The following SIK3 variants were observed in gnomAD, a reference collection of about 807,000 sequenced individuals.
The protein encoded by SIK3 is serine/threonine-protein kinase SIK3.
Under a neutral mutation model 144.2 loss-of-function variants are expected in SIK3, and 28 were observed. The observed-to-expected ratio is 0.19, with a 90% CI of 0.14 to 0.27. SIK3 has a LOEUF of 0.27. Ranked by LOEUF, SIK3 falls within the 10% of genes least tolerant of loss-of-function variation. SIK3 has a pLI of 1.00. For synonymous variants in SIK3, 686 were observed against 676.3 expected (o/e 1.01, Z -0.22); for missense variants, 1,319 against 1,776.0 (o/e 0.74, Z 4.62).
intron 6 of SIK3, among the ~76,000 whole-genome samples, chr11:116,879,278 AACAGTAAGACATTATT>A (rs1944429152): frequency 6.6e-6 from 1 of 152,242 alleles, no homozygotes; most frequent in South Asian, 2.1e-4. Context: ...AAATAACAAC[AACAGTAAGACATTATT>A]ACAAAAAACT....
intron 1 of SIK3, among the ~76,000 whole-genome samples, chr11:117,003,749 G>A (rs1374417110): frequency 6.6e-6 from 1 of 152,038 alleles, no homozygotes; most frequent in Non-Finnish European, 1.5e-5. Flanking sequence ...ACTTGCTTTA[G>A]GTAGGGTCAA....
intron 4 of SIK3, among the ~76,000 whole-genome samples, chr11:116,899,276 A>T (rs1945611513): frequency 3.3e-5 from 5 of 151,672 alleles, no homozygotes. Context: ...AAGATCAGAT[A>T]GTTGTAGATA....
intron 3 of SIK3, among the ~76,000 whole-genome samples, chr11:116,953,827 A>G (rs914557854): frequency 6.6e-6 from 1 of 152,224 alleles, no homozygotes; most frequent in Non-Finnish European, 1.5e-5. Context: ...CGCCTGACTG[A>G]AATAAACAAA....
intron 15 of SIK3, among the ~76,000 whole-genome samples, chr11:116,866,576 G>C (rs964413101): frequency 2.0e-5 from 3 of 151,970 alleles, no homozygotes; most frequent in African/African-American, 7.3e-5. Flanking sequence ...CGAGTAGCTG[G>C]GACTACAGAC....
intron 1 of SIK3, among the ~76,000 whole-genome samples, chr11:117,033,969 T>C (rs959936620): frequency 6.6e-6 from 1 of 152,140 alleles, no homozygotes; most frequent in Non-Finnish European, 1.5e-5. Flanking sequence ...TCACCTTTTA[T>C]GACAAGAAAA....
At chr11:116,891,880 A>C (rs1330082232) in intron 6 of SIK3, among the ~76,000 whole-genome samples, 1 of 152,138 alleles carries the variant, frequency 6.6e-6, no homozygotes, top group East Asian at 1.9e-4. Context: ...ACATGAATGG[A>C]GGGTTGAATT....
chr11:116,982,306 T>TC (rs59778690), intron 1 of SIK3, among the ~76,000 whole-genome samples: 3,648 of 151,590 alleles, frequency 0.024, 83 homozygotes, highest in South Asian at 0.11. Flanking sequence ...TTTTTTTTTT[T>TC]CAGACGGAGT....
chr11:117,011,223 T>C (rs1246628432), intron 1 of SIK3, among the ~76,000 whole-genome samples: 1 of 152,200 alleles, frequency 6.6e-6, no homozygotes, highest in East Asian at 1.9e-4. Flanking sequence ...TCCTTTTTTT[T>C]TCCCCCTGTA....
At chr11:117,018,221 G>C (rs147414296) in intron 1 of SIK3, among the ~76,000 whole-genome samples, 102 of 152,262 alleles carry the variant, frequency 6.7e-4, no homozygotes, top group African/African-American at 2.4e-3. Context: ...AAGTCCTGCA[G>C]TCCCCCGAGG....
chr11:116,907,994 A>C (rs1417741316), intron 4 of SIK3, among the ~76,000 whole-genome samples: 1 of 151,990 alleles, frequency 6.6e-6, no homozygotes, highest in African/African-American at 2.4e-5. Context: ...ATTTAAAAAA[A>C]AAAAAAAAAA....
intron 1 of SIK3, among the ~76,000 whole-genome samples, chr11:117,057,188 A>G (rs567627671): frequency 6.6e-6 from 1 of 152,352 alleles, no homozygotes; most frequent in East Asian, 1.9e-4. Context: ...CAAAATGTGT[A>G]CATGTACAGA....
chr11:116,858,555 G>C lies in SIK3; in HGVS notation c.2910C>G (p.Val970=), dbSNP rs749740584. 1 of 1,613,838 alleles carries C rather than the reference G, an allele frequency of 6.2e-7. No homozygotes were observed. Among genetic ancestry groups the C allele is most frequent in the Middle Eastern group, 1.7e-4 (1 of 6,060 alleles). The change falls in exon 21 of 25, where the codon GTC becomes GTG. Residue 970 remains valine (V), a synonymous_variant. Coordinates refer to ENST00000445177, the MANE Select transcript of SIK3 (RefSeq NM_001366686.3). The surrounding 1 kb of genome is among the most constrained non-coding windows in gnomAD (Gnocchi z 5.4). ...AGGTGGGGAATTGGTCAAGTGGAGG[G>C]ACTTTCAGGGCTTGGGTTGGAGAGA... ...VGFSPTQALK[V]PPLDQFPTFP...
At chr11:117,062,727 G>A (rs1953850661) in intron 1 of SIK3, among the ~76,000 whole-genome samples, 1 of 152,138 alleles carries the variant, frequency 6.6e-6, no homozygotes, top group African/African-American at 2.4e-5. Context: ...CACTAAGTGT[G>A]GAAAAAGTGC....
intron 1 of SIK3, among the ~76,000 whole-genome samples, chr11:116,968,497 C>T (rs992407209): frequency 3.3e-5 from 5 of 152,022 alleles, no homozygotes; most frequent in Non-Finnish European, 7.4e-5. Flanking sequence ...AACAACATTG[C>T]CATAGAAAAA....
In SIK3 at chr11:116,898,220, C is replaced by T. The variant is rs985936441; in HGVS notation, c.617-903G>A. Among the ~76,000 whole-genome samples the T allele has an allele frequency of 3.0e-3, 461 of 151,436 alleles. 2 individuals carry two copies. The highest frequency in any genetic ancestry group is 9.8e-3 in the African/African-American group (405 of 41,178). ...ATTCCCACCTATGAGTGAGAACATG[C>T]GATGTTTGGTTTTTTGTTCTTGCGA... On this transcript the variant is annotated intron_variant, in intron 4 of 24. Coordinates refer to ENST00000445177, the MANE Select transcript of SIK3 (RefSeq NM_001366686.3).
chr11:116,867,970 G>C lies in SIK3; in HGVS notation c.1928C>G (p.Pro643Arg). 6.5e-7 allele frequency: 1 copy of C among 1,548,528 alleles called. No individual in the cohort carries two copies. Among genetic ancestry groups the C allele is most frequent in the Non-Finnish European group, 8.7e-7 (1 of 1,145,750 alleles). Reference protein sequence around the residue: ...QQPFRSRVWPPHLVPDQHRST... With the variant: ...QQPFRSRVWPRHLVPDQHRST... ...CCGATGCTGATCAGGTACCAGGTGA[G>C]GAGGCCAGACCCGGGAACGGAAAGG... The change falls in exon 15 of 25, where the codon CCT becomes CGT. Residue 643 changes from proline (P) to arginine (R), a missense_variant. Around this residue, in one of 8 missense-constraint regions of SIK3, gnomAD observed 47 missense variants for 40.2 expected, o/e 1.17. Transcript: ENST00000445177. This position sits in a 1 kb window ranked among gnomAD's most constrained non-coding sequence, Gnocchi z 4.1.
intron 1 of SIK3, among the ~76,000 whole-genome samples, chr11:116,997,242 C>T (rs1950700426): frequency 6.6e-6 from 1 of 152,198 alleles, no homozygotes; most frequent in South Asian, 2.1e-4. Flanking sequence ...TGCGCACAAG[C>T]AGGTGTGCTG....
intron 3 of SIK3, among the ~76,000 whole-genome samples, chr11:116,947,152 A>ATTATATATAAATTATTATTTAT (rs1826252283): frequency 8.4e-6 from 1 of 119,560 alleles, no homozygotes; most frequent in African/African-American, 3.5e-5. Context: ...ATTTATATAT[A>ATTATATATAAATTATTATTTAT]ATATATTATA....
In SIK3 at chr11:116,867,687, G is replaced by C. The variant is rs1943719857; in HGVS notation, c.1952+259C>G. On this transcript the variant is annotated intron_variant, in intron 15 of 24. Transcript: ENST00000445177. This position sits in a 1 kb window ranked among gnomAD's most constrained non-coding sequence, Gnocchi z 4.1. ...AATTTTATCTATGAATCAACATCTA[G>C]AATCATGGGAATCAAATGCAGACAA... The C allele has an allele frequency of 1.1e-5, 4 of 348,694 alleles. No homozygotes were observed. The highest frequency in any genetic ancestry group is 2.1e-5 in the Non-Finnish European group (4 of 194,576). 21.6% of individuals were successfully genotyped at this position (348,694 alleles called of 1,614,324 possible). A position where few individuals can be genotyped will look rare whatever the true frequency, so the allele number is the denominator to read the frequency against.
Sources: allele counts gnomAD v4.1 joint callset (sites outside exome capture counted in the v4.1 genomes callset), GRCh38; gene constraint gnomAD v4.1.1; regional missense constraint gnomAD v4.1.1; non-coding constraint Gnocchi (gnomAD v3.1); transcripts MANE v1.5; gene names NCBI Gene and HGNC (gene_info 2026-07-23, HGNC 2026-07-21).